Variants in ARSD observed in about 807,000 individuals in gnomAD.
ARSD encodes testis tissue sperm-binding protein Li 39a.
ARSD carries 21 observed loss-of-function variants against 32.6 expected under a neutral mutation model. The ratio of observed to expected loss-of-function variants is 0.64; its 90% confidence interval spans 0.46 to 0.93. The LOEUF (loss-of-function observed/expected upper bound fraction) is 0.93. Ranked by LOEUF, ARSD falls within the 40% of genes least tolerant of loss-of-function variation. ARSD has a pLI of 0.00. For missense variants in ARSD, 454 were observed against 520.9 expected, an observed-to-expected ratio of 0.87 and a Z score of 1.25; for synonymous variants, 224 against 237.4, an observed-to-expected ratio of 0.94 and a Z score of 0.52.
intron 1 of ARSD, among the ~76,000 whole-genome samples, chrX:2,928,767 C>G (rs2089117934): frequency 1.6e-5 from 1 of 61,305 alleles, no homozygotes; most frequent in Non-Finnish European, 3.2e-5. Flanking sequence ...CGGGGCGCGT[C>G]TTAGTGGGGC....
intron 6 of ARSD, among the ~76,000 whole-genome samples, chrX:2,911,246 G>A (rs2088898275): frequency 9.0e-6 from 1 of 111,245 alleles, no homozygotes; most frequent in Non-Finnish European, 1.9e-5. Context: ...GGGGGTGCAC[G>A]CCTGTAATCC....
intron 4 of ARSD, chrX:2,920,366 C>CTTTTTTTTTTTTTTTTTTT: frequency 3.1e-6 from 1 of 321,784 alleles, no homozygotes; most frequent in Non-Finnish European, 5.3e-6. Flanking sequence ...AAAACGGGAT[C>CTTTTTTTTTTTTTTTTTTT]TTTTTTTTTT....
chrX:2,911,676 A>G (rs2088903560), intron 6 of ARSD, among the ~76,000 whole-genome samples: 1 of 104,861 alleles, frequency 9.5e-6, no homozygotes, highest in Non-Finnish European at 1.9e-5. Context: ...TCTCAAAAAA[A>G]AAAAAAAAAG....
chrX:2,929,146 G>T, intron 1 of ARSD, 86 bp downstream of exon 1: 1 of 895,123 alleles, frequency 1.1e-6, no homozygotes, highest in Non-Finnish European at 1.4e-6. Context: ...AGGCTCGCCC[G>T]GGGCGCCCCT....
chrX:2,918,623 C>T (rs1309483958), intron 4 of ARSD, among the ~76,000 whole-genome samples: 3 of 111,085 alleles, frequency 2.7e-5, no homozygotes, highest in Non-Finnish European at 3.8e-5. Context: ...GCCTGTAGTC[C>T]CAGCTACTCG....
intron 2 of ARSD, 24 bp downstream of exon 2, chrX:2,925,592 A>C (rs1313042644): frequency 2.5e-6 from 3 of 1,197,994 alleles, no homozygotes; most frequent in South Asian, 1.8e-5. Context: ...TAACATCATC[A>C]CCAATAGCAA....
At position 2,929,243 on chromosome X, in the gene ARSD, C is replaced by G; in HGVS notation, c.33G>C (p.Ala11=). 1 of 1,036,401 alleles carries G rather than the reference C, an allele frequency of 9.6e-7. No individual in the cohort carries two copies. The highest frequency in any genetic ancestry group is 1.2e-6 in the Non-Finnish European group (1 of 815,325). The allele number at this position is 1,036,401 out of a possible 1,213,427, so 85.4% of individuals were successfully genotyped here. Residue 11 remains alanine (A), a synonymous_variant, in exon 1 of 10, where the codon GCG becomes GCC. Transcript: ENST00000381154. ...GGGGTCCCAGGCACCTGGCGGCGGG[C>G]GCGGCGCGTCCCCTCCGCGCGGCGG... The part of the protein sequence containing the change: MRSAARRGRA[A]PAARDSLPVL...
In ARSD at chrX:2,907,103, C is replaced by T. The variant is rs1352588275; in HGVS notation, c.*168G>A. ...TTGCATTCCAGCCTGAGGGACAGAGCGACACTCTGTCTCAAAAAAGAAAGA... is the reference window on the plus strand; with the variant it reads ...TTGCATTCCAGCCTGAGGGACAGAGTGACACTCTGTCTCAAAAAAGAAAGA... On this transcript the variant is annotated 3_prime_UTR_variant, in exon 10 of 10. Coordinates refer to ENST00000381154, the MANE Select transcript of ARSD (RefSeq NM_001669.4). 1.7e-5 allele frequency: 8 copies of T among 471,189 alleles called. No homozygotes were observed. Among genetic ancestry groups the T allele is most frequent in the South Asian group, 1.1e-4 (3 of 27,514 alleles). The allele number at this position is 471,189 out of a possible 1,213,427, so 38.8% of individuals were successfully genotyped here.
chrX:2,907,481 G>A lies in ARSD; in HGVS notation c.1572C>T (p.Ser524=), dbSNP rs372491393. The change falls in exon 10 of 10, where the codon TCC becomes TCT. Residue 524 remains serine (S), a synonymous_variant. Transcript: ENST00000381154. The part of the protein sequence containing the change: ...PLLFDLSRDP[S]EARPLTPDSE... ...AGTCGGGGGTCAGGGGCCGTGCCTC[G>A]GAGGGGTCCCTGGAGAGGTCAAAGA... is the stretch of plus-strand genomic sequence containing the variant. 25 of 1,206,728 alleles carry A rather than the reference G, an allele frequency of 2.1e-5. No individual in the cohort carries two copies. The highest frequency in any genetic ancestry group is 1.4e-4 in the African/African-American group (8 of 57,435).
chrX:2,927,577 G>C (rs2089096635), intron 1 of ARSD, among the ~76,000 whole-genome samples: 1 of 112,197 alleles, frequency 8.9e-6, no homozygotes, highest in South Asian at 3.7e-4. Flanking sequence ...ACAGGCATGA[G>C]CCACCTCGCC....
intron 4 of ARSD, among the ~76,000 whole-genome samples, chrX:2,919,149 GA>G (rs2089005367): frequency 3.8e-5 from 4 of 104,227 alleles, no homozygotes; most frequent in Non-Finnish European, 7.8e-5. Flanking sequence ...AATAAAAGAA[GA>G]AAAAACTTTA....
chrX:2,918,314 A>C (rs2088992663), intron 4 of ARSD, 87 bp from the exon 5 acceptor site: 2 of 965,098 alleles, frequency 2.1e-6, no homozygotes, highest in South Asian at 5.2e-5. Context: ...CCGCGTCGGC[A>C]GGAAAAGAAA....
At chrX:2,908,411 T>C (rs780125938) in intron 9 of ARSD, among the ~76,000 whole-genome samples, 2 of 110,114 alleles carry the variant, frequency 1.8e-5, no homozygotes, top group South Asian at 7.9e-4. Flanking sequence ...TTATCTATCA[T>C]CTATCCATCC....
chrX:2,928,171 G>A (rs2089104486), intron 1 of ARSD, among the ~76,000 whole-genome samples: 1 of 110,268 alleles, frequency 9.1e-6, no homozygotes, highest in Non-Finnish European at 1.9e-5. Flanking sequence ...ATCTGAGGAA[G>A]TGCAGCGGGG....
chrX:2,916,682 C>T (rs5982920), intron 5 of ARSD, among the ~76,000 whole-genome samples: 10,996 of 109,691 alleles, frequency 0.1, 665 homozygotes, highest in East Asian at 0.53. Context: ...AAAAAAAAAT[C>T]GATCACATGA....
At chrX:2,907,712 G>A in intron 9 of ARSD, 80 bp from the exon 10 acceptor site, 1 of 1,079,572 alleles carries the variant, frequency 9.3e-7, no homozygotes, top group Non-Finnish European at 1.2e-6. Context: ...CGGCCCTGTG[G>A]TATCAGCATG....
intron 2 of ARSD, 107 bp downstream of exon 2, chrX:2,925,509 G>T: frequency 2.2e-6 from 2 of 893,109 alleles, no homozygotes; most frequent in South Asian, 3.0e-5. Flanking sequence ...GTTTTTTGTT[G>T]AGTTCTGAGG....
At chrX:2,908,517 C>A (rs1019607396) in intron 9 of ARSD, among the ~76,000 whole-genome samples, 1 of 81,789 alleles carries the variant, frequency 1.2e-5, no homozygotes, top group African/African-American at 5.5e-5. Context: ...TCTCTATCAT[C>A]TCTCTCTCTC....
chrX:2,926,603 C>G (rs1477006121), intron 1 of ARSD, among the ~76,000 whole-genome samples: 1 of 111,339 alleles, frequency 9.0e-6, no homozygotes, highest in Non-Finnish European at 1.9e-5. Context: ...CAGGTCAGAA[C>G]AAACTGGAAT....
Sources: allele counts gnomAD v4.1 joint callset (sites outside exome capture counted in the v4.1 genomes callset), GRCh38; gene constraint gnomAD v4.1.1; transcripts MANE v1.5; gene names NCBI Gene and HGNC (gene_info 2026-07-23, HGNC 2026-07-21).